SULF2: variants seen among roughly 807,000 people sequenced by gnomAD.
SULF2 encodes extracellular sulfatase Sulf-2.
A neutral mutation model predicts 107.7 loss-of-function variants in SULF2; 52 were observed. That is an observed-to-expected ratio of 0.48 (90% confidence interval 0.39 to 0.61). SULF2 has a LOEUF of 0.61. SULF2 is among the 20% of genes least tolerant of loss of function. The pLI is 0.00. For missense variants in SULF2, 993 were observed against 1,177.3 expected, an observed-to-expected ratio of 0.84 and a Z score of 2.29; for synonymous variants, 460 against 464.3, an observed-to-expected ratio of 0.99 and a Z score of 0.12.
intron 3 of SULF2, among the ~76,000 whole-genome samples, chr20:47,735,659 G>T (rs1216617323): frequency 6.6e-6 from 1 of 152,204 alleles, no homozygotes; most frequent in African/African-American, 2.4e-5. Flanking sequence ...CAGGAACAAG[G>T]TATAGGAACG....
chr20:47,725,015 T>C (rs940583546), intron 3 of SULF2, among the ~76,000 whole-genome samples: 6 of 152,170 alleles, frequency 3.9e-5, no homozygotes, highest in African/African-American at 1.4e-4. Flanking sequence ...ATAATGAAGA[T>C]AAATTTCAAT....
At chr20:47,684,031 T>C (rs1157795586) in intron 6 of SULF2, among the ~76,000 whole-genome samples, 1 of 152,138 alleles carries the variant, frequency 6.6e-6, no homozygotes, top group African/African-American at 2.4e-5. Context: ...GTGAGGTTTC[T>C]CTTTGGGGTA....
rs960250653 is a variant in SULF2, at chr20:47,680,572, C to T, written c.1065-1768G>A. On this transcript the variant is annotated intron_variant, in intron 7 of 20. Transcript: ENST00000688720. The surrounding 1 kb of genome is among the most constrained non-coding windows in gnomAD (Gnocchi z 4.2). ...AGGGCCTGGGTCCTAGGGTTTCCGT[C>T]ATCTTTAACCCCTCATCTCTCCCCA... Among the ~76,000 whole-genome samples, 1 of 152,218 alleles carries T rather than the reference C, an allele frequency of 6.6e-6. No individual in the cohort carries two copies. Among genetic ancestry groups the T allele is most frequent in the Non-Finnish European group, 1.5e-5 (1 of 68,026 alleles).
At chr20:47,743,129 A>G (rs894505838) in intron 2 of SULF2, among the ~76,000 whole-genome samples, 10 of 151,968 alleles carry the variant, frequency 6.6e-5, no homozygotes, top group African/African-American at 2.4e-4. Context: ...TATAGATATT[A>G]TTAGAGTCTG....
At chr20:47,761,637 T>C (rs926432449) in intron 1 of SULF2, among the ~76,000 whole-genome samples, 2 of 152,218 alleles carry the variant, frequency 1.3e-5, no homozygotes, top group Non-Finnish European at 1.5e-5. Context: ...TGAAGTGAGA[T>C]TAGCAGGTGT....
In SULF2 at chr20:47,662,718, G is replaced by A. The variant is rs377766640; in HGVS notation, c.2370+352C>T. The stretch of plus-strand genomic sequence containing the variant: ...TACTGTTATATTAGCTGCGCGGTCC[G>A]TGTAGGCCCTGCAGTGGGTGATATT... On this transcript the variant is annotated intron_variant, in intron 17 of 20. Coordinates refer to ENST00000688720, the MANE Select transcript of SULF2 (RefSeq NM_001387048.1). Among the ~76,000 whole-genome samples the A allele has an allele frequency of 9.2e-5, 14 of 152,318 alleles. No homozygotes were observed. In the East Asian group the frequency reaches 9.6e-4, roughly 10 times the overall value.
At chr20:47,784,191 G>T (rs2090880407) in intron 1 of SULF2, among the ~76,000 whole-genome samples, 1 of 152,192 alleles carries the variant, frequency 6.6e-6, no homozygotes, top group Admixed American at 6.5e-5. Flanking sequence ...GGGTGGACCC[G>T]GTGGGAAACA....
At position 47,710,016 on chromosome 20, in the gene SULF2, C is replaced by T. The variant is rs1474742118; in HGVS notation, c.416-7346G>A. On this transcript the variant is annotated intron_variant, in intron 3 of 20. Transcript: ENST00000688720. ...TCCTGAGTTCAAGCGATTCTCCCGC[C>T]TCAGCCTCTCGAGTAGCTGGGACTA... Among the ~76,000 whole-genome samples the T allele has an allele frequency of 3.3e-5, 5 of 152,062 alleles. No homozygotes were observed. The East Asian group carries it at 9.7e-4, about 29-fold the overall frequency.
At chr20:47,679,813 C>T (rs555357398) in intron 7 of SULF2, among the ~76,000 whole-genome samples, 1 of 152,314 alleles carries the variant, frequency 6.6e-6, no homozygotes, top group Admixed American at 6.5e-5. Context: ...GCAGTTTGTT[C>T]TGCAGCACAG....
intron 3 of SULF2, among the ~76,000 whole-genome samples, chr20:47,720,602 T>C (rs1470350747): frequency 1.3e-5 from 2 of 151,912 alleles, no homozygotes; most frequent in African/African-American, 2.4e-5. Flanking sequence ...TTTGGTTAAA[T>C]TTCCAGATTT....
At position 47,680,914 on chromosome 20, in the gene SULF2, AGAG is replaced by A. The variant is rs2087804389; in HGVS notation, c.1064+2077_1064+2079del. Among the ~76,000 whole-genome samples, 1 of 152,206 alleles carries A rather than the reference AGAG, an allele frequency of 6.6e-6. No homozygotes were observed. The highest frequency in any genetic ancestry group is 2.4e-5 in the African/African-American group (1 of 41,448). On this transcript the variant is annotated intron_variant, in intron 7 of 20. Transcript: ENST00000688720. This position sits in a 1 kb window ranked among gnomAD's most constrained non-coding sequence, Gnocchi z 4.2. ...CTGTAGGAACTACCTGGCCCCATTC[AGAG>A]TCCCCTGCCCAATGTACTCAGCCTG...
At position 47,665,182 on chromosome 20, in the gene SULF2, C is replaced by T. The variant is rs906205176; in HGVS notation, c.1997+17G>A. 1.4e-5 allele frequency: 23 copies of T among 1,590,338 alleles called. No homozygotes were observed. In the African/African-American group the frequency reaches 2.8e-4, roughly 20 times the overall value. On this transcript the variant is annotated intron_variant, in intron 14 of 20. Transcript: ENST00000688720. ...GGAGAGTGGGGTCTTAGGGAGGTCC[C>T]TTTGCTACTGCCTCACCTGATTTTG...
rs1419329973 is a variant in SULF2, at chr20:47,773,889, TGTC to T, written c.-101+11451_-101+11453del. ...AACATGTATTTATGTTTCCAGAGAT[TGTC>T]GTTTCCTTCCAGAAGAATATAAAAG... On this transcript the variant is annotated intron_variant, in intron 1 of 20. Transcript: ENST00000688720. 3.9e-5 allele frequency among the ~76,000 whole-genome samples: 6 copies of T among 152,354 alleles called. No homozygotes were observed. The South Asian group carries it at 8.3e-4, about 21-fold the overall frequency.
intron 3 of SULF2, among the ~76,000 whole-genome samples, chr20:47,710,508 TC>T (rs2088892744): frequency 6.6e-6 from 1 of 151,842 alleles, no homozygotes; most frequent in Non-Finnish European, 1.5e-5. Context: ...GGCTATGCCA[TC>T]CAGGCGTGTA....
At chr20:47,712,309 C>T (rs1447327187) in intron 3 of SULF2, among the ~76,000 whole-genome samples, 2 of 152,176 alleles carry the variant, frequency 1.3e-5, no homozygotes, top group African/African-American at 4.8e-5. Context: ...GCCAAGCTCT[C>T]TACCCCACCG....
intron 7 of SULF2, among the ~76,000 whole-genome samples, chr20:47,682,720 T>C (rs925557924): frequency 3.9e-5 from 6 of 152,168 alleles, no homozygotes; most frequent in African/African-American, 1.2e-4. Context: ...GCTGGTGACA[T>C]GCATGTGCGC....
intron 15 of SULF2, 107 bp from the exon 16 acceptor site, chr20:47,663,729 G>A: frequency 3.1e-6 from 4 of 1,291,926 alleles, no homozygotes; most frequent in Admixed American, 4.7e-5. Context: ...TTCTCCAACA[G>A]AGAGCCATGG....
chr20:47,658,336 T>G lies in SULF2; in HGVS notation c.*26A>C. The G allele has an allele frequency of 2.5e-6, 4 of 1,613,760 alleles. No homozygotes were observed. Among genetic ancestry groups the G allele is most frequent in the Non-Finnish European group, 3.4e-6 (4 of 1,179,698 alleles). ...GTGCAGTCAGGTGATGCCTCTATGTTTTTGGAGGTCCACCTCTGTTGTTTC... is the reference window on the plus strand; with the variant it reads ...GTGCAGTCAGGTGATGCCTCTATGTGTTTGGAGGTCCACCTCTGTTGTTTC... On this transcript the variant is annotated 3_prime_UTR_variant, in exon 21 of 21. Coordinates refer to ENST00000688720, the MANE Select transcript of SULF2 (RefSeq NM_001387048.1).
intron 2 of SULF2, among the ~76,000 whole-genome samples, chr20:47,749,015 T>C (rs1203251595): frequency 2.0e-5 from 3 of 152,172 alleles, no homozygotes; most frequent in African/African-American, 7.2e-5. Context: ...AGTGGTTTTT[T>C]TTTTTTTCTT....
Sources: allele counts gnomAD v4.1 joint callset (sites outside exome capture counted in the v4.1 genomes callset), GRCh38; gene constraint gnomAD v4.1.1; non-coding constraint Gnocchi (gnomAD v3.1); transcripts MANE v1.5; gene names NCBI Gene and HGNC (gene_info 2026-07-23, HGNC 2026-07-21).